INIP: variants seen among roughly 807,000 people sequenced by gnomAD.
The protein encoded by INIP is SOSS complex subunit C.
In INIP, 9 loss-of-function variants were observed where a neutral mutation model predicts 14.0. The observed-to-expected ratio is 0.64, with a 90% CI of 0.39 to 1.12. The LOEUF (loss-of-function observed/expected upper bound fraction) is 1.12, where lower values mean the gene tolerates loss of function less well. INIP is among the 50% of genes most tolerant of loss of function. The pLI, the probability that INIP is intolerant of heterozygous loss-of-function variation, is 0.01. For synonymous variants in INIP, 37 were observed against 41.5 expected, an observed-to-expected ratio of 0.89 and a Z score of 0.41; for missense variants, 78 against 122.7, an observed-to-expected ratio of 0.64 and a Z score of 1.72.
chr9:112,707,322 GTTTCAAAC>G (rs1435668778), intron 2 of INIP, among the ~76,000 whole-genome samples: 1 of 129,836 alleles, frequency 7.7e-6, no homozygotes, highest in African/African-American at 2.9e-5. Flanking sequence ...TAAAAAATCT[GTTTCAAAC>G]TTTTTTTTTT....
chr9:112,689,321 C>T (rs1220419994), intron 4 of INIP, among the ~76,000 whole-genome samples: 3 of 152,070 alleles, frequency 2.0e-5, no homozygotes, highest in South Asian at 2.1e-4. Context: ...CAATCATGAC[C>T]GAGTCAACAC....
At chr9:112,698,242 T>A (rs143641041) in intron 2 of INIP, among the ~76,000 whole-genome samples, 2,085 of 140,742 alleles carry the variant, frequency 0.015, 51 homozygotes, top group African/African-American at 0.049. Flanking sequence ...AGGCGGAGGT[T>A]GCAGTGAGCC....
intron 2 of INIP, among the ~76,000 whole-genome samples, chr9:112,696,688 C>T (rs796967546): frequency 6.6e-5 from 10 of 152,298 alleles, no homozygotes; most frequent in African/African-American, 2.4e-4. Context: ...GGCTGTAAAC[C>T]GGGGGCCCCC....
rs577776103 is a variant in INIP, at chr9:112,718,052, C to G, written c.-122G>C. 2 of 152,810 alleles carry G rather than the reference C, an allele frequency of 1.3e-5. No individual in the cohort carries two copies. The highest frequency in any genetic ancestry group is 3.9e-4 in the East Asian group (2 of 5,186). 9.5% of individuals were successfully genotyped at this position (152,810 alleles called of 1,614,324 possible). ...GCTGCTCTTAAAGGGGGCGCGACCA[C>G]TTAGGCAAGAGGAGCTCAACTCGCG... is the stretch of plus-strand genomic sequence containing the variant. On this transcript the variant is annotated 5_prime_UTR_variant, in exon 1 of 5. Transcript: ENST00000374242.
chr9:112,713,984 CAAAAA>C (rs376955548), intron 2 of INIP, among the ~76,000 whole-genome samples: 1 of 78,798 alleles, frequency 1.3e-5, no homozygotes, highest in African/African-American at 4.4e-5. Context: ...AACTCCATCT[CAAAAA>C]AAAAAAAAAA....
At chr9:112,690,415 A>G (rs1837842493) in intron 3 of INIP, among the ~76,000 whole-genome samples, 1 of 152,044 alleles carries the variant, frequency 6.6e-6, no homozygotes, top group South Asian at 2.1e-4. Flanking sequence ...TAAGCTTGGG[A>G]GGTCTGGAGA....
At chr9:112,688,544 G>T (rs1837766062) in intron 4 of INIP, among the ~76,000 whole-genome samples, 1 of 151,994 alleles carries the variant, frequency 6.6e-6, no homozygotes, top group African/African-American at 2.4e-5. Context: ...GGAGGGCTGG[G>T]CAATGGTGGC....
At chr9:112,717,635 C>T (rs992173438) in intron 1 of INIP, among the ~76,000 whole-genome samples, 1 of 152,040 alleles carries the variant, frequency 6.6e-6, no homozygotes, top group African/African-American at 2.4e-5. Flanking sequence ...GTCTAGGGAG[C>T]CCGGGAAAGA....
chr9:112,702,532 C>T (rs1364895999), intron 2 of INIP, among the ~76,000 whole-genome samples: 1 of 151,976 alleles, frequency 6.6e-6, no homozygotes, highest in East Asian at 1.9e-4. Flanking sequence ...TTGTGCAAAA[C>T]GCTCATGTTC....
intron 2 of INIP, among the ~76,000 whole-genome samples, chr9:112,703,641 A>G (rs1020908547): frequency 1.3e-5 from 2 of 152,170 alleles, no homozygotes; most frequent in South Asian, 2.1e-4. Context: ...CGATTGGACT[A>G]TCTTGCTTCT....
intron 4 of INIP, among the ~76,000 whole-genome samples, chr9:112,688,002 C>T (rs954411695): frequency 2.6e-5 from 4 of 152,070 alleles, no homozygotes; most frequent in Non-Finnish European, 5.9e-5. Context: ...AGGAGAATGG[C>T]ATGAACCTGG....
At chr9:112,689,477 G>T in intron 4 of INIP, 50 bp downstream of exon 4, 1 of 1,408,130 alleles carries the variant, frequency 7.1e-7, no homozygotes, top group Non-Finnish European at 1.0e-6. Flanking sequence ...GCCGGCTTCT[G>T]AGATCCAGGA....
In INIP at chr9:112,699,840, A is replaced by C. The variant is rs115716907; in HGVS notation, c.26-5607T>G. ...TCAGCTATGTGAATTCTGATGGGGTAGTCTAATTACTTTAAGCCAGAGGTT... is the reference window on the plus strand; with the variant it reads ...TCAGCTATGTGAATTCTGATGGGGTCGTCTAATTACTTTAAGCCAGAGGTT... On this transcript the variant is annotated intron_variant, in intron 2 of 4. Transcript: ENST00000374242. 6.9e-3 allele frequency among the ~76,000 whole-genome samples: 1,050 copies of C among 152,226 alleles called. 15 individuals carry two copies. The highest frequency in any genetic ancestry group is 0.021 in the African/African-American group (888 of 41,542).
chr9:112,688,273 G>A (rs1837754295), intron 4 of INIP, among the ~76,000 whole-genome samples: 1 of 151,950 alleles, frequency 6.6e-6, no homozygotes, highest in Non-Finnish European at 1.5e-5. Context: ...TCAAAGACAT[G>A]AACTGTTTTG....
chr9:112,687,695 C>A, intron 4 of INIP, 62 bp from the exon 5 acceptor site: 1 of 944,006 alleles, frequency 1.1e-6, no homozygotes, highest in Non-Finnish European at 1.6e-6. Flanking sequence ...ATTCTTCGAC[C>A]AAGGCATTAA....
chr9:112,694,246 G>C lies in INIP; in HGVS notation c.26-13C>G, dbSNP rs774472466. 1 of 1,473,236 alleles carries C rather than the reference G, an allele frequency of 6.8e-7. No homozygotes were observed. The highest frequency in any genetic ancestry group is 9.5e-7 in the Non-Finnish European group (1 of 1,056,814). The allele number at this position is 1,473,236 out of a possible 1,614,324, so 91.3% of individuals were successfully genotyped here. On this transcript the variant is annotated splice_polypyrimidine_tract_variant and intron_variant, in intron 2 of 4. Transcript: ENST00000374242. ...TTGTTTTGAAAACCTAAAAAAAAGA[G>C]GGGAATAGGAGAAAAGGGAGAAAGA...
At chr9:112,706,786 A>G (rs963744764) in intron 2 of INIP, among the ~76,000 whole-genome samples, 1 of 152,122 alleles carries the variant, frequency 6.6e-6, no homozygotes, top group East Asian at 1.9e-4. Context: ...TAAAAATAGT[A>G]TAGAAACAGG....
Position 112,689,558 on chromosome 9 carries a change from T to C in INIP, c.188A>G (p.His63Arg). Reference sequence around the variant, plus strand: ...AGCTGCCTTCTGTTGGGCTGCAATATGCTGCTGCTCAGCGTGATCCCGGAA... The same window carrying C: ...AGCTGCCTTCTGTTGGGCTGCAATACGCTGCTGCTCAGCGTGATCCCGGAA... ...KDFRDHAEQQ[H>R]IAAQQKAALQ... The change falls in exon 4 of 5, where the codon CAT becomes CGT. Residue 63 changes from histidine to arginine, a missense_variant. His to Arg is a conservative substitution (Grantham distance 29, BLOSUM62 0). Coordinates refer to ENST00000374242, the MANE Select transcript of INIP (RefSeq NM_021218.3). The C allele has an allele frequency of 1.2e-6, 2 of 1,614,178 alleles. No homozygotes were observed. Among genetic ancestry groups the C allele is most frequent in the Non-Finnish European group, 1.7e-6 (2 of 1,180,000 alleles).
chr9:112,693,698 A>G (rs1220651679), intron 3 of INIP, among the ~76,000 whole-genome samples: 1 of 152,260 alleles, frequency 6.6e-6, no homozygotes, highest in East Asian at 1.9e-4. Flanking sequence ...CACAATGAAT[A>G]GATTGCAGTG....
Sources: allele counts gnomAD v4.1 joint callset (sites outside exome capture counted in the v4.1 genomes callset), GRCh38; gene constraint gnomAD v4.1.1; transcripts MANE v1.5; gene names NCBI Gene and HGNC (gene_info 2026-07-23, HGNC 2026-07-21).